RANBP2: variants seen among roughly 807,000 people sequenced by gnomAD.
The protein encoded by RANBP2 is E3 SUMO-protein ligase RanBP2.
Under a neutral mutation model 303.6 loss-of-function variants are expected in RANBP2, and 57 were observed. The observed-to-expected ratio is 0.19, with a 90% CI of 0.15 to 0.23. The LOEUF is 0.23. Ranked by LOEUF, RANBP2 falls within the 10% of genes least tolerant of loss-of-function variation. The pLI, the probability that RANBP2 is intolerant of heterozygous loss-of-function variation, is 1.00. For missense variants in RANBP2, 3,138 were observed against 3,780.8 expected, an observed-to-expected ratio of 0.83 and a Z score of 4.46; for synonymous variants, 1,167 against 1,301.5, an observed-to-expected ratio of 0.90 and a Z score of 2.23.
the RANBP2 span, among the ~76,000 whole-genome samples, chr2:109,581,620 T>C: frequency 6.6e-6 from 1 of 152,126 alleles, no homozygotes; most frequent in Admixed American, 6.5e-5. Flanking sequence ...TTCCAACTGA[T>C]CTGTACCATT....
chr2:108,969,132 A>G, the RANBP2 span, among the ~76,000 whole-genome samples: 1 of 152,114 alleles, frequency 6.6e-6, no homozygotes, highest in South Asian at 2.1e-4. Context: ...TGGATTCAAC[A>G]AGGGTGATGA....
intron 25 of RANBP2, among the ~76,000 whole-genome samples, chr2:108,778,442 T>G (rs1012223758): frequency 6.6e-6 from 1 of 152,234 alleles, no homozygotes; most frequent in African/African-American, 2.4e-5. Flanking sequence ...ATCTTTATAC[T>G]TTTGTAAATT....
the RANBP2 span, among the ~76,000 whole-genome samples, chr2:109,721,241 C>A: frequency 2.6e-5 from 4 of 152,224 alleles, no homozygotes; most frequent in African/African-American, 9.6e-5. Flanking sequence ...CACGCTGCGG[C>A]TTTCTTCCTT....
At chr2:109,234,405 C>T in the RANBP2 span, among the ~76,000 whole-genome samples, 2 of 152,208 alleles carry the variant, frequency 1.3e-5, no homozygotes, top group Non-Finnish European at 2.9e-5. Flanking sequence ...GGCAATTTCT[C>T]TAAATTTTTT....
the RANBP2 span, among the ~76,000 whole-genome samples, chr2:109,078,359 C>T: frequency 3.6e-5 from 5 of 138,916 alleles, no homozygotes; most frequent in African/African-American, 1.3e-4. Flanking sequence ...GGAAGTTATG[C>T]CATTTGCAAC....
chr2:109,386,225 G>A, the RANBP2 span, among the ~76,000 whole-genome samples: 1 of 152,182 alleles, frequency 6.6e-6, no homozygotes, highest in African/African-American at 2.4e-5. Context: ...CAGGCTTCCG[G>A]CCTTCTCCCC....
the RANBP2 span, among the ~76,000 whole-genome samples, chr2:109,477,613 GGTGTGTGTGTGTGT>G: frequency 6.7e-6 from 1 of 149,450 alleles, no homozygotes; most frequent in East Asian, 2.0e-4. Flanking sequence ...GCCACAGATG[GGTGTGTGTGTGTGT>G]GTGTGTGTGT....
the RANBP2 span, among the ~76,000 whole-genome samples, chr2:109,684,262 G>T: frequency 1.5e-3 from 1 of 650 alleles, no homozygotes; most frequent in African/African-American, 1.8e-3. Context: ...TTTTTTTTGA[G>T]GCAGCGTCTC....
At chr2:109,494,768 C>T in the RANBP2 span, among the ~76,000 whole-genome samples, 1 of 152,098 alleles carries the variant, frequency 6.6e-6, no homozygotes, top group South Asian at 2.1e-4. Flanking sequence ...GAGGAATGGG[C>T]AGTGTTGCTG....
the RANBP2 span, among the ~76,000 whole-genome samples, chr2:109,255,563 A>G: frequency 7.9e-5 from 12 of 152,366 alleles, no homozygotes; most frequent in African/African-American, 2.6e-4. Context: ...GTTCTCACCA[A>G]GGTTGCTATC....
the RANBP2 span, among the ~76,000 whole-genome samples, chr2:108,893,852 C>CTTAT: frequency 2.6e-5 from 4 of 152,170 alleles, no homozygotes; most frequent in African/African-American, 7.2e-5. Context: ...TGTAATCCTC[C>CTTAT]TTATTTTCCT....
At chr2:109,098,556 A>G in the RANBP2 span, among the ~76,000 whole-genome samples, 2 of 151,976 alleles carry the variant, frequency 1.3e-5, no homozygotes, top group Non-Finnish European at 2.9e-5. Context: ...TGACTGATAC[A>G]CTCTTTGTTC....
the RANBP2 span, among the ~76,000 whole-genome samples, chr2:108,898,636 T>C: frequency 2.6e-5 from 4 of 152,196 alleles, no homozygotes; most frequent in African/African-American, 7.2e-5. Flanking sequence ...AGATGTTAGA[T>C]AATCTGAAAA....
chr2:109,168,012 G>A, the RANBP2 span, among the ~76,000 whole-genome samples: 1 of 152,124 alleles, frequency 6.6e-6, no homozygotes, highest in African/African-American at 2.4e-5. Context: ...TCTAAATGTG[G>A]CATGGGAGGG....
the RANBP2 span, among the ~76,000 whole-genome samples, chr2:109,549,767 A>C: frequency 6.6e-6 from 1 of 152,188 alleles, no homozygotes; most frequent in Non-Finnish European, 1.5e-5. Flanking sequence ...TAGTAAAGTT[A>C]AGGCACAGTG....
intron 6 of RANBP2, among the ~76,000 whole-genome samples, chr2:108,737,082 AAAG>A (rs1441828014): frequency 6.6e-6 from 1 of 151,110 alleles, no homozygotes; most frequent in African/African-American, 2.4e-5. Context: ...TGGTATAAGG[AAAG>A]AAGTTCATTT....
At chr2:108,889,912 C>A in the RANBP2 span, among the ~76,000 whole-genome samples, 1 of 151,986 alleles carries the variant, frequency 6.6e-6, no homozygotes, top group South Asian at 2.1e-4. Flanking sequence ...ATTTCTCTTC[C>A]TATTTTATGT....
chr2:108,981,732 AC>A, the RANBP2 span, among the ~76,000 whole-genome samples: 1 of 152,314 alleles, frequency 6.6e-6, no homozygotes, highest in South Asian at 2.1e-4. Context: ...TCATTTCTGA[AC>A]GAGCCCATGG....
the RANBP2 span, among the ~76,000 whole-genome samples, chr2:109,004,670 A>G: frequency 6.6e-6 from 1 of 152,106 alleles, no homozygotes; most frequent in South Asian, 2.1e-4. Flanking sequence ...TCTCAGGTTA[A>G]TTCACACTCT....
Sources: allele counts gnomAD v4.1 joint callset (sites outside exome capture counted in the v4.1 genomes callset), GRCh38; gene constraint gnomAD v4.1.1; transcripts MANE v1.5; gene names NCBI Gene and HGNC (gene_info 2026-07-23, HGNC 2026-07-21).